Variants in PYGO1 observed in about 807,000 individuals in gnomAD.
PYGO1 encodes pygopus homolog 1.
In PYGO1, 6 loss-of-function variants were observed where a neutral mutation model predicts 29.5. The observed-to-expected ratio is 0.20, with a 90% CI of 0.11 to 0.40. The LOEUF is 0.40. Ranked by LOEUF, PYGO1 falls within the 10% of genes least tolerant of loss-of-function variation. PYGO1 has a pLI of 1.00. For synonymous variants in PYGO1, 186 were observed against 180.5 expected, an observed-to-expected ratio of 1.03 and a Z score of -0.24; for missense variants, 515 against 514.9, an observed-to-expected ratio of 1.00 and a Z score of 0.00.
At chr15:55,551,291 T>C (rs1210835087) in intron 1 of PYGO1, among the ~76,000 whole-genome samples, 2 of 152,200 alleles carry the variant, frequency 1.3e-5, no homozygotes, top group Non-Finnish European at 2.9e-5. Flanking sequence ...TAATTTCTGG[T>C]TGATTTTCTT....
rs1192599244 is a variant in PYGO1, at chr15:55,587,921, G to T, written c.-38C>A. 1 of 1,464,484 alleles carries T rather than the reference G, an allele frequency of 6.8e-7. No homozygotes were observed. The allele number at this position is 1,464,484 out of a possible 1,614,324, so 90.7% of individuals were successfully genotyped here. Reference sequence around the variant, plus strand: ...AGCATGACTCCCCCCCAGGCCGCGGGAATTCGGTCTCTTTGATGCTGCGGC... The same window carrying T: ...AGCATGACTCCCCCCCAGGCCGCGGTAATTCGGTCTCTTTGATGCTGCGGC... On this transcript the variant is annotated 5_prime_UTR_variant, in exon 1 of 3. Coordinates refer to ENST00000563719, the MANE Select transcript of PYGO1 (RefSeq NM_001367806.1).
Position 55,544,444 on chromosome 15 carries a change from A to G in PYGO1, c.*1579T>C, listed in dbSNP as rs2058840905. Reference sequence around the variant, plus strand: ...TAAAGGTCCAGTGACTAAAATGGACATGACAAAATTTCATAGCCCAAGTCA... The same window carrying G: ...TAAAGGTCCAGTGACTAAAATGGACGTGACAAAATTTCATAGCCCAAGTCA... On this transcript the variant is annotated 3_prime_UTR_variant, in exon 3 of 3. Coordinates refer to ENST00000563719, the MANE Select transcript of PYGO1 (RefSeq NM_001367806.1). 1 of 152,226 alleles carries G rather than the reference A, an allele frequency of 6.6e-6. No homozygotes were observed. Among genetic ancestry groups the G allele is most frequent in the African/African-American group, 2.4e-5 (1 of 41,464 alleles). 9.4% of individuals were successfully genotyped at this position (152,226 alleles called of 1,614,324 possible).
chr15:55,561,778 A>G (rs2058933876), intron 1 of PYGO1, among the ~76,000 whole-genome samples: 1 of 152,218 alleles, frequency 6.6e-6, no homozygotes, highest in Non-Finnish European at 1.5e-5. Context: ...AGGCAATACC[A>G]TTCAGGATTT....
intron 1 of PYGO1, among the ~76,000 whole-genome samples, chr15:55,585,863 A>G (rs2059044147): frequency 6.6e-6 from 1 of 152,244 alleles, no homozygotes; most frequent in African/African-American, 2.4e-5. Flanking sequence ...ATATCAGGGG[A>G]ATAATTGTAT....
At chr15:55,588,618 G>T (rs1397832517), upstream of PYGO1, among the ~76,000 whole-genome samples, 2 of 149,848 alleles carry the variant, frequency 1.3e-5, no homozygotes, top group East Asian at 3.9e-4. Context: ...GGCAGCGCGC[G>T]CCTAGGGGCC....
intron 1 of PYGO1, among the ~76,000 whole-genome samples, chr15:55,559,489 C>T (rs527518048): frequency 4.6e-5 from 7 of 152,228 alleles, no homozygotes; most frequent in African/African-American, 1.7e-4. Context: ...GGTATATACC[C>T]AAAGGATTAT....
chr15:55,581,898 G>A (rs894515393), intron 1 of PYGO1, among the ~76,000 whole-genome samples: 1 of 152,074 alleles, frequency 6.6e-6, no homozygotes, highest in Non-Finnish European at 1.5e-5. Flanking sequence ...AGGTCAAGAA[G>A]TCAATGGGTT....
intron 1 of PYGO1, among the ~76,000 whole-genome samples, chr15:55,581,952 A>G (rs536119367): frequency 3.3e-5 from 5 of 152,270 alleles, no homozygotes; most frequent in Admixed American, 6.5e-5. Flanking sequence ...CATGCCTACA[A>G]TCCCAGCACT....
chr15:55,576,736 T>A (rs2059004062), intron 1 of PYGO1, among the ~76,000 whole-genome samples: 1 of 51,000 alleles, frequency 2.0e-5, no homozygotes, highest in Admixed American at 3.3e-4. Flanking sequence ...ATTGTGCCAC[T>A]GCACTCCAGC....
rs913028237 is a variant in PYGO1 at position 55,546,430 on chromosome 15, C to T, written c.853G>A (p.Glu285Lys). The T allele has an allele frequency of 1.9e-6, 3 of 1,613,952 alleles. No individual in the cohort carries two copies. Among genetic ancestry groups the T allele is most frequent in the Non-Finnish European group, 2.5e-6 (3 of 1,179,996 alleles). ...TCAGTGCTACTTGAACGGCTGTTCTCCTGATTTACTGCATTGTTTCGATTA... is the reference window on the plus strand; with the variant it reads ...TCAGTGCTACTTGAACGGCTGTTCTTCTGATTTACTGCATTGTTTCGATTA... ...NVNRNNAVNQENSRSSSTEAT... is the reference protein window; with the variant it reads ...NVNRNNAVNQKNSRSSSTEAT... The change falls in exon 3 of 3, where the codon GAG becomes AAG. Residue 285 changes from glutamate to lysine, a missense_variant. By Grantham distance (56) the Glu-to-Lys change is moderately conservative. Transcript: ENST00000563719.
At chr15:55,557,926 C>G (rs948841517) in intron 1 of PYGO1, among the ~76,000 whole-genome samples, 1 of 152,172 alleles carries the variant, frequency 6.6e-6, no homozygotes, top group Non-Finnish European at 1.5e-5. Context: ...CCTTTGAAAA[C>G]TGGCACAAGA....
Position 55,545,311 on chromosome 15 carries a change from T to A in PYGO1, c.*712A>T, listed in dbSNP as rs1041649258. The A allele has an allele frequency of 1.3e-5, 2 of 152,190 alleles. No individual in the cohort carries two copies. Among genetic ancestry groups the A allele is most frequent in the African/African-American group, 4.8e-5 (2 of 41,448 alleles). 9.4% of individuals were successfully genotyped at this position (152,190 alleles called of 1,614,324 possible). A position where few individuals can be genotyped will look rare whatever the true frequency, so the allele number is the denominator to read the frequency against. ...CTATCATAATTCTAAATAGCACAAC[T>A]GGGAACGTACGTTATACCAACTTTA... On this transcript the variant is annotated 3_prime_UTR_variant, in exon 3 of 3. Coordinates refer to ENST00000563719, the MANE Select transcript of PYGO1 (RefSeq NM_001367806.1).
At chr15:55,576,380 C>A (rs2059001744) in intron 1 of PYGO1, among the ~76,000 whole-genome samples, 1 of 136,456 alleles carries the variant, frequency 7.3e-6, no homozygotes, top group African/African-American at 2.8e-5. Context: ...GGCGTGAACC[C>A]GGGAGGCGGA....
At chr15:55,584,379 G>C (rs1265199726) in intron 1 of PYGO1, among the ~76,000 whole-genome samples, 1 of 152,000 alleles carries the variant, frequency 6.6e-6, no homozygotes, top group Non-Finnish European at 1.5e-5. Context: ...CCAAGGTGCT[G>C]GGATTACAAG....
At chr15:55,556,492 A>G (rs1467440988) in intron 1 of PYGO1, among the ~76,000 whole-genome samples, 1 of 152,212 alleles carries the variant, frequency 6.6e-6, no homozygotes, top group Non-Finnish European at 1.5e-5. Context: ...GGATGCAGCT[A>G]ATGCAGTGTT....
intron 1 of PYGO1, among the ~76,000 whole-genome samples, chr15:55,556,776 A>G (rs1197845599): frequency 1.0e-5 from 1 of 98,100 alleles, no homozygotes; most frequent in East Asian, 3.0e-4. Flanking sequence ...AAAAGAATCA[A>G]ATAGACACAA....
rs2058846466 is a variant in PYGO1 at position 55,545,708 on chromosome 15, AC to A, written c.*314del. 4.9e-6 allele frequency: 1 copy of A among 204,272 alleles called. No individual in the cohort carries two copies. The highest frequency in any genetic ancestry group is 1.6e-4 in the South Asian group (1 of 6,436). The allele number at this position is 204,272 out of a possible 1,614,324, so 12.7% of individuals were successfully genotyped here. A position where few individuals can be genotyped will look rare whatever the true frequency, so the allele number is the denominator to read the frequency against. On this transcript the variant is annotated 3_prime_UTR_variant, in exon 3 of 3. Transcript: ENST00000563719. ...AAATACACGTTTTTCAATGATTCTA[AC>A]TTTTAAAAGTTAAAACTTGCCTACA...
Position 55,588,111 on chromosome 15 carries a change from T to A in PYGO1, c.-228A>T. The A allele has an allele frequency of 2.2e-6, 2 of 914,052 alleles. No individual in the cohort carries two copies. Among genetic ancestry groups the A allele is most frequent in the Non-Finnish European group, 2.6e-6 (2 of 761,954 alleles). 56.6% of individuals were successfully genotyped at this position (914,052 alleles called of 1,614,324 possible). ...GGCGGCGTGCGGGCACCGGCGGGGC[T>A]CAGCGGCGGTGGCCGGGAGCGCGGC... On this transcript the variant is annotated 5_prime_UTR_variant, in exon 1 of 3. The change abolishes the stop of an existing upstream ORF in the 5' untranslated region. Coordinates refer to ENST00000563719, the MANE Select transcript of PYGO1 (RefSeq NM_001367806.1).
chr15:55,584,063 T>A (rs1373989470), intron 1 of PYGO1, among the ~76,000 whole-genome samples: 1 of 151,968 alleles, frequency 6.6e-6, no homozygotes, highest in African/African-American at 2.4e-5. Flanking sequence ...TTTGTCACTG[T>A]CCTGTACTAG....
Sources: gnomAD v4.1 joint callset for allele counts (sites outside exome capture counted in the v4.1 genomes callset) on GRCh38, gnomAD v4.1.1 for gene constraint, MANE v1.5 for transcripts, NCBI Gene and HGNC (gene_info 2026-07-23, HGNC 2026-07-21) for gene names.